Variants in CRLF3 observed in about 807,000 individuals in gnomAD.
CRLF3 encodes cytokine receptor-like factor 3.
In CRLF3, 33 loss-of-function variants were observed where a neutral mutation model predicts 55.0. That is an observed-to-expected ratio of 0.60 (90% CI 0.46 to 0.80). The LOEUF is 0.80. CRLF3 is among the 30% of genes least tolerant of loss of function. The probability of loss-of-function intolerance (pLI) is 0.00; values close to 1 mark genes in which losing one functional copy is unlikely to be tolerated. For missense variants in CRLF3, 494 were observed against 538.4 expected, an observed-to-expected ratio of 0.92 and a Z score of 0.82; for synonymous variants, 238 against 196.8, an observed-to-expected ratio of 1.21 and a Z score of -1.75.
At position 30,783,653 on chromosome 17, in the gene CRLF3, T is replaced by A. The variant is rs1971557553; in HGVS notation, c.*534A>T. The A allele has an allele frequency of 6.6e-6, 1 of 152,274 alleles. No homozygotes were observed. 9.4% of individuals were successfully genotyped at this position (152,274 alleles called of 1,614,324 possible). ...GAAAAAGTTATAATGTTTTGGGGAC[T>A]TAAAGATTACTGAAGAGGGGATAAA... On this transcript the variant is annotated 3_prime_UTR_variant, in exon 8 of 8. Coordinates refer to ENST00000324238, the MANE Select transcript of CRLF3 (RefSeq NM_015986.4).
At chr17:30,803,191 A>C (rs919206580) in intron 2 of CRLF3, among the ~76,000 whole-genome samples, 1 of 151,776 alleles carries the variant, frequency 6.6e-6, no homozygotes, top group East Asian at 1.9e-4. Context: ...ATATATATAT[A>C]ATTTGATTGA....
In CRLF3 at chr17:30,782,997, T is replaced by TTTGAATA. The variant is rs1971532094; in HGVS notation, c.*1189_*1190insTATTCAA. ...CATATTAAAGTCCTTCAAATAAATATTTTACACACAAATTTAAGTAAGTTT... is the reference window on the plus strand; with the variant it reads ...CATATTAAAGTCCTTCAAATAAATATTTGAATATTTACACACAAATTTAAGTAAGTTT... On this transcript the variant is annotated 3_prime_UTR_variant, in exon 8 of 8. Transcript: ENST00000324238. 2 of 152,168 alleles carry TTTGAATA rather than the reference T, an allele frequency of 1.3e-5. No individual in the cohort carries two copies. Among genetic ancestry groups the TTTGAATA allele is most frequent in the Admixed American group, 6.6e-5 (1 of 15,254 alleles). The allele number at this position is 152,168 out of a possible 1,614,324, so 9.4% of individuals were successfully genotyped here.
intron 4 of CRLF3, among the ~76,000 whole-genome samples, chr17:30,794,900 A>T (rs1971886923): frequency 6.6e-6 from 1 of 152,114 alleles, no homozygotes; most frequent in African/African-American, 2.4e-5. Flanking sequence ...AAACTCATAT[A>T]CTCCTTGGAA....
rs766109352 is a variant in CRLF3, at chr17:30,824,680, C to T, written c.-29G>A. The T allele has an allele frequency of 6.3e-7, 1 of 1,580,332 alleles. No individual in the cohort carries two copies. The highest frequency in any genetic ancestry group is 1.7e-5 in the Admixed American group (1 of 58,670). On this transcript the variant is annotated 5_prime_UTR_variant, in exon 1 of 8. Transcript: ENST00000324238. Reference sequence around the variant, plus strand: ...GCCGCGCGGCCGGCGAAACCTAGCGCGGGTTCCCGACTGCACCGGGCGCCT... The same window carrying T: ...GCCGCGCGGCCGGCGAAACCTAGCGTGGGTTCCCGACTGCACCGGGCGCCT...
chr17:30,811,767 G>A (rs959934811), intron 1 of CRLF3, among the ~76,000 whole-genome samples: 1 of 125,512 alleles, frequency 8.0e-6, no homozygotes, highest in African/African-American at 3.1e-5. Context: ...CCGTGCCACT[G>A]CACTCCAGCC....
chr17:30,815,545 T>C (rs1454739627), intron 1 of CRLF3, among the ~76,000 whole-genome samples: 27 of 109,742 alleles, frequency 2.5e-4, no homozygotes, highest in African/African-American at 1.8e-4. Flanking sequence ...TTTCTTCTTT[T>C]TTTTTTTTTT....
chr17:30,787,051 T>G (rs1440082968), intron 6 of CRLF3, among the ~76,000 whole-genome samples: 1 of 152,114 alleles, frequency 6.6e-6, no homozygotes, highest in Non-Finnish European at 1.5e-5. Context: ...CTCAGGCTGG[T>G]CTTGGAACTC....
intron 6 of CRLF3, among the ~76,000 whole-genome samples, chr17:30,791,177 TCTC>T (rs1334039795): frequency 1.3e-5 from 2 of 152,010 alleles, no homozygotes; most frequent in Non-Finnish European, 2.9e-5. Flanking sequence ...TTCAAGTGAT[TCTC>T]CTGCCTCACT....
chr17:30,813,526 C>A (rs917363819), intron 1 of CRLF3, among the ~76,000 whole-genome samples: 2 of 151,906 alleles, frequency 1.3e-5, no homozygotes, highest in Admixed American at 1.3e-4. Flanking sequence ...GGGGATGTCA[C>A]CTTGAATAAC....
At chr17:30,811,839 G>T (rs1164388089) in intron 1 of CRLF3, among the ~76,000 whole-genome samples, 1 of 145,770 alleles carries the variant, frequency 6.9e-6, no homozygotes, top group Non-Finnish European at 1.5e-5. Flanking sequence ...GGCCAGGTGC[G>T]GTGGCTCACG....
intron 1 of CRLF3, among the ~76,000 whole-genome samples, chr17:30,814,844 A>C (rs1045990298): frequency 1.4e-4 from 21 of 151,812 alleles, no homozygotes; most frequent in Admixed American, 2.6e-4. Flanking sequence ...TCTACTAAAA[A>C]TACAAAATTA....
At chr17:30,788,334 A>AAAAAAG (rs1555547410) in intron 6 of CRLF3, among the ~76,000 whole-genome samples, 10 of 148,740 alleles carry the variant, frequency 6.7e-5, no homozygotes, top group Admixed American at 4.0e-4. Flanking sequence ...TCAAAAAAAA[A>AAAAAAG]AAAAGAAAAG....
In CRLF3 at chr17:30,793,259, T is replaced by C. The variant is rs1004193432; in HGVS notation, c.826+191A>G. ...CTAAAAATCTTGTCCAGCATTTTTT[T>C]TGGACTCTGAAGAACTGATGAAAAC... On this transcript the variant is annotated intron_variant, in intron 5 of 7. Transcript: ENST00000324238. Among the ~76,000 whole-genome samples the C allele has an allele frequency of 3.3e-5, 5 of 152,034 alleles. No homozygotes were observed. The East Asian group carries it at 5.8e-4, about 18-fold the overall frequency.
At chr17:30,810,001 T>G (rs1320456338) in intron 1 of CRLF3, 1 of 152,174 alleles carries the variant, frequency 6.6e-6, no homozygotes, top group Non-Finnish European at 1.5e-5. Flanking sequence ...AATTATGTAT[T>G]GGCTAAAGAC....
At chr17:30,801,100 T>C (rs1238667616) in intron 2 of CRLF3, 1 of 151,008 alleles carries the variant, frequency 6.6e-6, no homozygotes, top group African/African-American at 2.4e-5. Flanking sequence ...TTTAAAAAAA[T>C]TAGAGACAAT....
intron 1 of CRLF3, among the ~76,000 whole-genome samples, chr17:30,818,042 A>G (rs1309039973): frequency 2.0e-5 from 3 of 151,722 alleles, no homozygotes; most frequent in African/African-American, 7.3e-5. Context: ...TGCGCGGATC[A>G]CCTGAGGTCA....
chr17:30,824,240 C>T (rs1371945641), intron 1 of CRLF3, among the ~76,000 whole-genome samples: 1 of 151,784 alleles, frequency 6.6e-6, no homozygotes, highest in Non-Finnish European at 1.5e-5. Flanking sequence ...TGCTCTGGTC[C>T]CTCACTCTCC....
intron 7 of CRLF3, chr17:30,785,038 G>C (rs962742574): frequency 6.6e-6 from 1 of 150,714 alleles, no homozygotes; most frequent in Non-Finnish European, 1.5e-5. Flanking sequence ...GTGAGCCACC[G>C]TGCCCAGCCA....
chr17:30,816,021 C>T (rs2142272764), intron 1 of CRLF3, among the ~76,000 whole-genome samples: 1 of 149,138 alleles, frequency 6.7e-6, no homozygotes, highest in South Asian at 2.1e-4. Flanking sequence ...TGGTGGCTCA[C>T]ACCTGTAATC....
Sources: allele counts gnomAD v4.1 joint callset (sites outside exome capture counted in the v4.1 genomes callset), GRCh38; gene constraint gnomAD v4.1.1; transcripts MANE v1.5; gene names NCBI Gene and HGNC (gene_info 2026-07-23, HGNC 2026-07-21).